CFD: variants seen among roughly 807,000 people sequenced by gnomAD.
CFD encodes C3 convertase activator.
In CFD, 24 loss-of-function variants were observed where a neutral mutation model predicts 21.1. That is an observed-to-expected ratio of 1.14 (90% confidence interval 0.82 to 1.60). The LOEUF is 1.60. Among genes scored for constraint, CFD ranks in the 40% most tolerant of loss-of-function variants. CFD has a pLI of 0.00. For missense variants in CFD, 535 were observed against 383.3 expected, an observed-to-expected ratio of 1.40 and a Z score of -3.31; for synonymous variants, 242 against 175.9, an observed-to-expected ratio of 1.38 and a Z score of -2.97.
chr19:860,445 C>G (rs1389736951), intron 1 of CFD, among the ~76,000 whole-genome samples, 172 bp from the exon 2 acceptor site: 5 of 151,692 alleles, frequency 3.3e-5, no homozygotes, highest in Admixed American at 1.3e-4. Flanking sequence ...CCCCTCCCCC[C>G]CCGCCCCCGC....
rs548060607 is a variant in CFD at position 862,992 on chromosome 19, G to A, written c.616-100G>A. On this transcript the variant is annotated intron_variant, in intron 4 of 4. Coordinates refer to ENST00000327726, the MANE Select transcript of CFD (RefSeq NM_001928.4). ...CCAAATTAACACGGGAGGGATGAGC[G>A]AGCATTGTGGGGCGGGAGCGGCAGC... The A allele has an allele frequency of 2.3e-5, 27 of 1,182,672 alleles. No individual in the cohort carries two copies. In the Admixed American group the frequency reaches 2.6e-4, roughly 11 times the overall value. 73.3% of individuals were successfully genotyped at this position (1,182,672 alleles called of 1,614,324 possible).
rs1403439815 is a variant in CFD, at chr19:860,774, G to A, written c.212+1G>A. The A allele has an allele frequency of 7.7e-6, 12 of 1,564,328 alleles. No homozygotes were observed. Among genetic ancestry groups the A allele is most frequent in the African/African-American group, 1.4e-5 (1 of 73,882 alleles). On this transcript the variant is annotated splice_donor_variant, in intron 2 of 4. Coordinates refer to ENST00000327726, the MANE Select transcript of CFD (RefSeq NM_001928.4). LOFTEE classifies it high-confidence loss of function. ...GCGCGGCGCACTGCCTGGAGGACGC[G>A]TGAGTGCCCGCGCCGCGCGGGGGAA...
chr19:860,703 G>T lies in CFD; in HGVS notation c.142G>T (p.Ala48Ser). Residue 48 changes from alanine (A) to serine (S), a missense_variant, in exon 2 of 5, where the codon GCG (alanine) becomes TCG (serine). Physicochemically the swap from Ala to Ser is moderately conservative, Grantham distance 99 (BLOSUM62 1). Transcript: ENST00000327726. ...PYMASVQLNG[A>S]HLCGGVLVAE... is the part of the protein sequence containing the mutation. ...CATGGCGTCGGTGCAGCTGAACGGC[G>T]CGCACCTGTGCGGCGGCGTCCTGGT... 6.4e-7 allele frequency: 1 copy of T among 1,555,752 alleles called. No homozygotes were observed. Among genetic ancestry groups the T allele is most frequent in the Non-Finnish European group, 8.6e-7 (1 of 1,160,408 alleles).
chr19:860,944 G>A lies in CFD; in HGVS notation c.296G>A (p.Arg99His). The A allele has an allele frequency of 3.7e-6, 6 of 1,601,208 alleles. No homozygotes were observed. The highest frequency in any genetic ancestry group is 3.4e-6 in the Non-Finnish European group (4 of 1,179,392). The change falls in exon 3 of 5, where the codon CGC (arginine) becomes CAC (histidine). Residue 99 changes from arginine (R) to histidine (H), a missense_variant. Physicochemically the swap from Arg to His is conservative, Grantham distance 29. Transcript: ENST00000327726. Reference sequence around the variant, plus strand: ...TCCAAGCGCCTGTACGACGTGCTCCGCGCAGTGCCCCACCCGGACAGCCAG... The same window carrying A: ...TCCAAGCGCCTGTACGACGTGCTCCACGCAGTGCCCCACCCGGACAGCCAG... ...EPSKRLYDVL[R>H]AVPHPDSQPD...
Position 860,803 on chromosome 19 carries a change from C to A in CFD, c.212+30C>A, listed in dbSNP as rs766215617. ...GTGCCCGCGCCGCGCGGGGGAAGAG[C>A]CCGGGTGCGGTGGGGGGAGTCGGCT... On this transcript the variant is annotated intron_variant, in intron 2 of 4. Coordinates refer to ENST00000327726, the MANE Select transcript of CFD (RefSeq NM_001928.4). 2.6e-6 allele frequency: 4 copies of A among 1,557,278 alleles called. No homozygotes were observed. In the African/African-American group the frequency reaches 5.4e-5, roughly 21 times the overall value.
chr19:863,003 G>A, intron 4 of CFD, 89 bp from the exon 5 acceptor site: 2 of 1,276,670 alleles, frequency 1.6e-6, no homozygotes, highest in Non-Finnish European at 2.1e-6. Context: ...AGCATTGTGG[G>A]GCGGGAGCGG....
In CFD at chr19:863,288, A is replaced by G. The variant is rs1211075136; in HGVS notation, c.*50A>G. Reference sequence around the variant, plus strand: ...TCACCCAAGCAACAAAGTCCCGAGCAATGAAGTCATCCACTCCTGCATCTG... The same window carrying G: ...TCACCCAAGCAACAAAGTCCCGAGCGATGAAGTCATCCACTCCTGCATCTG... On this transcript the variant is annotated 3_prime_UTR_variant, in exon 5 of 5. Coordinates refer to ENST00000327726, the MANE Select transcript of CFD (RefSeq NM_001928.4). The G allele has an allele frequency of 6.5e-7, 1 of 1,540,194 alleles. No homozygotes were observed.
chr19:860,493 A>G, intron 1 of CFD, 124 bp from the exon 2 acceptor site: 1 of 728,276 alleles, frequency 1.4e-6, no homozygotes, highest in Non-Finnish European at 1.8e-6. Context: ...GGCGTGAGCC[A>G]CCGCGCCCAG....
At position 863,171 on chromosome 19, in the gene CFD, G is replaced by A. The variant is rs764710522; in HGVS notation, c.695G>A (p.Arg232His). The A allele has an allele frequency of 1.1e-5, 17 of 1,479,862 alleles. No homozygotes were observed. Among genetic ancestry groups the A allele is most frequent in the African/African-American group, 6.6e-5 (4 of 60,868 alleles). The allele number at this position is 1,479,862 out of a possible 1,614,324, so 91.7% of individuals were successfully genotyped here. A position where few individuals can be genotyped will look rare whatever the true frequency, so the allele number is the denominator to read the frequency against. The change falls in exon 5 of 5, where the codon CGC becomes CAC. Residue 232 changes from arginine (R) to histidine (H), a missense_variant. Coordinates refer to ENST00000327726, the MANE Select transcript of CFD (RefSeq NM_001928.4). ...VTSGSRVCGN[R>H]KKPGIYTRVA... ...TCGGGCTCGCGCGTTTGCGGCAACC[G>A]CAAGAAGCCCGGGATCTACACCCGC... is the stretch of plus-strand genomic sequence containing the variant.
In CFD at chr19:860,851, C is replaced by A. The variant is rs748294572; in HGVS notation, c.213-10C>A. ...GCTGGCACCGACCGCGGACTCCGTCCGGTCCCCAGGGCCGACGGGAAGGTG... is the reference window on the plus strand; with the variant it reads ...GCTGGCACCGACCGCGGACTCCGTCAGGTCCCCAGGGCCGACGGGAAGGTG... On this transcript the variant is annotated splice_polypyrimidine_tract_variant and intron_variant, in intron 2 of 4. Transcript: ENST00000327726. The A allele has an allele frequency of 7.0e-6, 11 of 1,564,892 alleles. No homozygotes were observed. The highest frequency in any genetic ancestry group is 1.4e-5 in the African/African-American group (1 of 73,878).
chr19:862,066 G>C (rs2035805689), intron 4 of CFD, 110 bp downstream of exon 4: 3 of 1,425,368 alleles, frequency 2.1e-6, no homozygotes, highest in Non-Finnish European at 2.8e-6. Context: ...GGAAGGGGCG[G>C]GGCGCGTAGG....
chr19:860,082 C>T (rs975491104), intron 1 of CFD, among the ~76,000 whole-genome samples: 4 of 152,074 alleles, frequency 2.6e-5, no homozygotes, highest in Non-Finnish European at 1.5e-5. Flanking sequence ...CTGGGATCTG[C>T]CCCCGGTCCC....
Position 861,003 on chromosome 19 carries a change from C to T in CFD, c.355C>T (p.Gln119Ter). ...CATCGACCACGACCTCCTGCTGCTACAGGTCGGCCCCGTGTAGCGCAGTCC... is the reference window on the plus strand; with the variant it reads ...CATCGACCACGACCTCCTGCTGCTATAGGTCGGCCCCGTGTAGCGCAGTCC... ...DTIDHDLLLL[Q>*]LSEKATLGPA... is the part of the protein sequence containing the mutation. Residue 119 changes from glutamine (Q) to a stop codon, truncating the protein, a stop_gained and splice_region_variant, in exon 3 of 5, where the codon CAG (glutamine) becomes TAG (stop). Coordinates refer to ENST00000327726, the MANE Select transcript of CFD (RefSeq NM_001928.4). LOFTEE classifies it high-confidence loss of function. 6.3e-7 allele frequency: 1 copy of T among 1,597,946 alleles called. No homozygotes were observed. The highest frequency in any genetic ancestry group is 8.5e-7 in the Non-Finnish European group (1 of 1,179,332).
intron 1 of CFD, among the ~76,000 whole-genome samples, chr19:860,162 G>T (rs2035763950): frequency 6.6e-6 from 1 of 151,970 alleles, no homozygotes; most frequent in South Asian, 2.1e-4. Flanking sequence ...ACGCTGAGGG[G>T]CCCCAAGACG....
intron 4 of CFD, 145 bp from the exon 5 acceptor site, chr19:862,947 G>T: frequency 1.3e-6 from 1 of 790,862 alleles, no homozygotes; most frequent in South Asian, 1.8e-5. Flanking sequence ...GCGTGGCGCG[G>T]GGCTATTGAC....
Position 859,745 on chromosome 19 carries a change from G to A in CFD, c.55+1G>A. ...GTCCTCCTAGGAGCGGCCGCCTGCGGTGAGGAGGCCTGGGCCTGGGGTGAG... is the reference window on the plus strand; with the variant it reads ...GTCCTCCTAGGAGCGGCCGCCTGCGATGAGGAGGCCTGGGCCTGGGGTGAG... On this transcript the variant is annotated splice_donor_variant, in intron 1 of 4. Coordinates refer to ENST00000327726, the MANE Select transcript of CFD (RefSeq NM_001928.4). LOFTEE classifies it high-confidence loss of function. 1 of 1,568,856 alleles carries A rather than the reference G, an allele frequency of 6.4e-7. No homozygotes were observed.
In CFD at chr19:863,336, C is replaced by T; in HGVS notation, c.*98C>T. Reference sequence around the variant, plus strand: ...CTGGTTGGTCTTTATTGAGCACCTACTATATGCAGAAGGGGAGGCCGAGGT... The same window carrying T: ...CTGGTTGGTCTTTATTGAGCACCTATTATATGCAGAAGGGGAGGCCGAGGT... On this transcript the variant is annotated 3_prime_UTR_variant, in exon 5 of 5. Transcript: ENST00000327726. 7.0e-7 allele frequency: 1 copy of T among 1,423,746 alleles called. No homozygotes were observed. The highest frequency in any genetic ancestry group is 9.6e-7 in the Non-Finnish European group (1 of 1,045,668). 88.2% of individuals were successfully genotyped at this position (1,423,746 alleles called of 1,614,324 possible). A position where few individuals can be genotyped will look rare whatever the true frequency, so the allele number is the denominator to read the frequency against.
intron 3 of CFD, among the ~76,000 whole-genome samples, chr19:861,408 G>A (rs2035791511): frequency 8.8e-6 from 1 of 113,174 alleles, no homozygotes; most frequent in African/African-American, 3.2e-5. Context: ...CCTCACCCCG[G>A]GTCTAGCCTC....
chr19:860,776 G>A lies in CFD; in HGVS notation c.212+3G>A, dbSNP rs749583763. The A allele has an allele frequency of 2.6e-6, 4 of 1,563,844 alleles. No homozygotes were observed. In the Admixed American group the frequency reaches 5.5e-5, roughly 21 times the overall value. On this transcript the variant is annotated splice_donor_region_variant and intron_variant, in intron 2 of 4. Coordinates refer to ENST00000327726, the MANE Select transcript of CFD (RefSeq NM_001928.4). ...GCGGCGCACTGCCTGGAGGACGCGTGAGTGCCCGCGCCGCGCGGGGGAAGA... is the reference window on the plus strand; with the variant it reads ...GCGGCGCACTGCCTGGAGGACGCGTAAGTGCCCGCGCCGCGCGGGGGAAGA...
Sources: gnomAD v4.1 joint callset for allele counts (sites outside exome capture counted in the v4.1 genomes callset) on GRCh38, gnomAD v4.1.1 for gene constraint, MANE v1.5 for transcripts, NCBI Gene and HGNC (gene_info 2026-07-23, HGNC 2026-07-21) for gene names.